Variants in HK2 observed in about 807,000 individuals in gnomAD.
The protein encoded by HK2 is hexokinase 2.
A neutral mutation model predicts 92.9 loss-of-function variants in HK2; 42 were observed. The ratio of observed to expected loss-of-function variants is 0.45; its 90% CI spans 0.35 to 0.58. HK2 has a LOEUF of 0.58. Ranked by LOEUF, HK2 falls within the 20% of genes least tolerant of loss-of-function variation. The pLI is 0.00. For synonymous variants in HK2, 422 were observed against 468.0 expected, an observed-to-expected ratio of 0.90 and a Z score of 1.27; for missense variants, 978 against 1,245.1, an observed-to-expected ratio of 0.79 and a Z score of 3.23.
chr2:74,853,690 C>A (rs1688624851), intron 1 of HK2, among the ~76,000 whole-genome samples: 1 of 149,602 alleles, frequency 6.7e-6, no homozygotes, highest in Admixed American at 6.6e-5. Flanking sequence ...TGGAGCGATA[C>A]CCTGTCAAAA....
At chr2:74,859,613 C>T (rs370370417) in intron 2 of HK2, among the ~76,000 whole-genome samples, 2 of 152,058 alleles carry the variant, frequency 1.3e-5, no homozygotes, top group East Asian at 1.9e-4. Flanking sequence ...CCAGCCTGGG[C>T]CACAGAGCGA....
At chr2:74,855,431 G>C (rs1043427365) in intron 2 of HK2, among the ~76,000 whole-genome samples, 1 of 152,098 alleles carries the variant, frequency 6.6e-6, no homozygotes, top group Non-Finnish European at 1.5e-5. Flanking sequence ...GCGCAGTGGC[G>C]TGATCTCCAT....
At chr2:74,870,554 CTTTTTTT>C (rs60629948) in intron 3 of HK2, among the ~76,000 whole-genome samples, 2 of 123,206 alleles carry the variant, frequency 1.6e-5, no homozygotes, top group Non-Finnish European at 3.4e-5. Context: ...CTGCATCTCC[CTTTTTTT>C]TTTTTTTTTT....
rs28363014 is a variant in HK2, at chr2:74,877,202, G to A, written c.912G>A (p.Glu304=). The A allele has an allele frequency of 2.9e-3, 4,639 of 1,614,206 alleles. 14 individuals are homozygous for A. Among genetic ancestry groups the A allele is most frequent in the Non-Finnish European group, 3.6e-3 (4,193 of 1,180,034 alleles). The change falls in exon 8 of 18, where the codon GAG becomes GAA. Residue 304 remains glutamate (E), a synonymous_variant. Coordinates refer to ENST00000290573, the MANE Select transcript of HK2 (RefSeq NM_000189.5). The stretch of plus-strand genomic sequence containing the variant: ...TGATCAGTGGGATGTACATGGGGGA[G>A]CTGGTGAGGCTTATCCTGGTGAAGA... ...EKMISGMYMG[E]LVRLILVKMA... is the part of the protein sequence containing the mutation.
At chr2:74,889,608 G>T in intron 17 of HK2, 130 bp downstream of exon 17, 3 of 754,452 alleles carry the variant, frequency 4.0e-6, no homozygotes, top group Non-Finnish European at 7.0e-6. Flanking sequence ...ATAATACATG[G>T]ATTATAGTTT....
chr2:74,882,029 G>C, intron 11 of HK2, 91 bp from the exon 12 acceptor site: 1 of 1,470,502 alleles, frequency 6.8e-7, no homozygotes, highest in Non-Finnish European at 9.5e-7. Context: ...CTTCTGGGTG[G>C]AAAGAAACAT....
At chr2:74,853,473 C>T (rs1299604654) in intron 1 of HK2, among the ~76,000 whole-genome samples, 1 of 151,706 alleles carries the variant, frequency 6.6e-6, no homozygotes, top group African/African-American at 2.4e-5. Context: ...GTCGAGATTG[C>T]GCCACTCTAC....
chr2:74,890,671 T>C, intron 17 of HK2, 126 bp from the exon 18 acceptor site: 1 of 1,088,886 alleles, frequency 9.2e-7, no homozygotes, highest in Non-Finnish European at 1.4e-6. Flanking sequence ...ATAGCTGTCA[T>C]CCTTCTCCTC....
chr2:74,854,301 G>C lies in HK2; in HGVS notation c.72G>C (p.Gln24His). Residue 24 changes from glutamine to histidine, a missense_variant, in exon 2 of 18, where the codon CAG becomes CAC. By Grantham distance (24) the Gln-to-His change is conservative. This residue lies in a region of HK2 where 47 missense variants were observed against 33.1 expected (regional missense o/e 1.42). Transcript: ENST00000290573. ...LNHDQVQKVDQYLYHMRLSDE... is the reference protein window; with the variant it reads ...LNHDQVQKVDHYLYHMRLSDE... ...TCTTCCTCCTTTTTCAGGTTGACCA[G>C]TATCTCTACCACATGCGCCTCTCTG... The C allele has an allele frequency of 6.2e-7, 1 of 1,612,494 alleles. No individual in the cohort carries two copies. The highest frequency in any genetic ancestry group is 2.2e-5 in the East Asian group (1 of 44,886).
chr2:74,835,930 T>C (rs1688155502), intron 1 of HK2, among the ~76,000 whole-genome samples: 1 of 152,188 alleles, frequency 6.6e-6, no homozygotes, highest in Admixed American at 6.5e-5. Context: ...GGCATATTAA[T>C]GTAGTGATGG....
At chr2:74,882,290 C>G in intron 12 of HK2, 51 bp downstream of exon 12, 1 of 1,611,728 alleles carries the variant, frequency 6.2e-7, no homozygotes, top group Non-Finnish European at 8.5e-7. Flanking sequence ...TGACTCTAAA[C>G]AAAACCAGCC....
Position 74,889,318 on chromosome 2 carries a change from A to G in HK2, c.2449A>G (p.Ile817Val). Residue 817 changes from isoleucine (I) to valine (V), a missense_variant, in exon 17 of 18, where the codon ATC becomes GTC. Transcript: ENST00000290573. ...LGLESTCDDSIIVKEVCTVVA... is the reference protein window; with the variant it reads ...LGLESTCDDSVIVKEVCTVVA... Reference sequence around the variant, plus strand: ...GCTTGAGAGCACCTGTGACGACAGCATCATTGTTAAGGAGGTGTGCACTGT... The same window carrying G: ...GCTTGAGAGCACCTGTGACGACAGCGTCATTGTTAAGGAGGTGTGCACTGT... 1.2e-6 allele frequency: 2 copies of G among 1,614,220 alleles called. No homozygotes were observed. The highest frequency in any genetic ancestry group is 1.7e-6 in the Non-Finnish European group (2 of 1,180,030).
intron 10 of HK2, 125 bp from the exon 11 acceptor site, chr2:74,881,586 T>C: frequency 2.1e-6 from 2 of 971,906 alleles, no homozygotes; most frequent in Non-Finnish European, 3.3e-6. Context: ...TTCTGTATTC[T>C]AGAATGTAAT....
chr2:74,840,596 G>C (rs191101851), intron 1 of HK2, among the ~76,000 whole-genome samples: 1 of 151,306 alleles, frequency 6.6e-6, no homozygotes, highest in African/African-American at 2.4e-5. Flanking sequence ...TGCCGGGCGC[G>C]GTGGCTCACG....
At chr2:74,854,222 T>C (rs1055936058) in intron 1 of HK2, 71 bp from the exon 2 acceptor site, 2 of 1,429,850 alleles carry the variant, frequency 1.4e-6, no homozygotes, top group Non-Finnish European at 2.0e-6. Context: ...CTGAGTGGTG[T>C]TCCATGACGT....
At chr2:74,886,439 G>A in intron 14 of HK2, 46 bp downstream of exon 14, 2 of 1,613,934 alleles carry the variant, frequency 1.2e-6, no homozygotes, top group East Asian at 4.5e-5. Flanking sequence ...CACAGCCTTG[G>A]GTGTGGAGGG....
intron 2 of HK2, among the ~76,000 whole-genome samples, chr2:74,856,510 C>G (rs1688699760): frequency 6.6e-6 from 1 of 152,170 alleles, no homozygotes; most frequent in African/African-American, 2.4e-5. Flanking sequence ...TTTTATTTGA[C>G]ATTCAGATAA....
chr2:74,848,465 C>T (rs376059994), intron 1 of HK2, among the ~76,000 whole-genome samples: 21 of 142,942 alleles, frequency 1.5e-4, no homozygotes, highest in African/African-American at 5.3e-4. Context: ...TATTCATTTC[C>T]AGAATTAATT....
chr2:74,869,306 C>G (rs776144473), intron 3 of HK2, among the ~76,000 whole-genome samples: 21 of 152,156 alleles, frequency 1.4e-4, no homozygotes, highest in Non-Finnish European at 1.5e-5. Context: ...GCAGAAAACA[C>G]TTGGAAAAAA....
Sources: allele counts gnomAD v4.1 joint callset (sites outside exome capture counted in the v4.1 genomes callset), GRCh38; gene constraint gnomAD v4.1.1; regional missense constraint gnomAD v4.1.1; transcripts MANE v1.5; gene names NCBI Gene and HGNC (gene_info 2026-07-23, HGNC 2026-07-21).